The following ITGAL variants were observed in gnomAD, a reference collection of about 807,000 sequenced individuals.
ITGAL encodes the protein integrin subunit alpha L.
In ITGAL, 68 loss-of-function variants were observed where a neutral mutation model predicts 138.4. The ratio of observed to expected loss-of-function variants is 0.49; its 90% CI spans 0.40 to 0.60. The LOEUF (loss-of-function observed/expected upper bound fraction) is 0.60. ITGAL is among the 20% of genes least tolerant of loss of function. The pLI, the probability that ITGAL is intolerant of heterozygous loss-of-function variation, is 0.00. For missense variants in ITGAL, 1,256 were observed against 1,478.6 expected (o/e 0.85, Z 2.47); for synonymous variants, 561 against 584.3 (o/e 0.96, Z 0.57).
chr16:30,472,987 G>T, intron 1 of ITGAL, 89 bp downstream of exon 1: 1 of 1,290,080 alleles, frequency 7.8e-7, no homozygotes, highest in Non-Finnish European at 1.1e-6. Context: ...ACAAGGAGCT[G>T]CCCCCTAAAA....
chr16:30,511,088 C>T lies in ITGAL; in HGVS notation c.2738C>T (p.Ala913Val), dbSNP rs1310953191. The change falls in exon 24 of 31, where the codon GCC (alanine) becomes GTC (valine). Residue 913 changes from alanine to valine, a missense_variant. By Grantham distance (64) the Ala-to-Val change is moderately conservative. Around this residue, in one of 3 missense-constraint regions of ITGAL, gnomAD observed 867 missense variants for 972.5 expected, o/e 0.89. Transcript: ENST00000356798. ...EDSDLLEDNSATTIIPILYPI... is the reference protein window; with the variant it reads ...EDSDLLEDNSVTTIIPILYPI... ...TCAGACCTCCTGGAGGACAACTCAG[C>T]CACTACCATCATCCCCATCCTGTAC... 1 of 1,613,964 alleles carries T rather than the reference C, an allele frequency of 6.2e-7. No individual in the cohort carries two copies. The highest frequency in any genetic ancestry group is 1.3e-5 in the African/African-American group (1 of 75,012).
At chr16:30,486,682 C>T (rs1189483883) in intron 9 of ITGAL, among the ~76,000 whole-genome samples, 4 of 151,920 alleles carry the variant, frequency 2.6e-5, no homozygotes, top group Non-Finnish European at 4.4e-5. Context: ...TCAGTGTGAC[C>T]GAAGCGCAGT....
chr16:30,505,550 C>T (rs567435748), intron 20 of ITGAL, 88 bp downstream of exon 20: 19 of 974,962 alleles, frequency 1.9e-5, no homozygotes, highest in Non-Finnish European at 3.1e-5. Flanking sequence ...TTTGCAGACA[C>T]CACTTCCCTC....
intron 24 of ITGAL, 141 bp from the exon 25 acceptor site, chr16:30,513,630 T>C: frequency 1.5e-6 from 1 of 651,332 alleles, no homozygotes; most frequent in South Asian, 1.8e-5. Context: ...CCTTAGTTTC[T>C]GGGAAAGAGC....
intron 25 of ITGAL, among the ~76,000 whole-genome samples, chr16:30,516,027 G>A (rs2051161689): frequency 6.6e-6 from 1 of 151,474 alleles, no homozygotes; most frequent in Admixed American, 6.6e-5. Context: ...TACTGCCCCT[G>A]ACATTTGGCC....
intron 11 of ITGAL, among the ~76,000 whole-genome samples, chr16:30,491,655 G>A (rs568401704): frequency 3.0e-4 from 45 of 151,604 alleles, no homozygotes; most frequent in Non-Finnish European, 5.7e-4. Context: ...TTTAGACATA[G>A]GGTCTCACTT....
chr16:30,501,860 T>C (rs1275648033), intron 17 of ITGAL, among the ~76,000 whole-genome samples: 1 of 151,434 alleles, frequency 6.6e-6, no homozygotes, highest in Non-Finnish European at 1.5e-5. Context: ...GCGAGACCCC[T>C]TCTCTACAAA....
rs772971327 is a variant in ITGAL, at chr16:30,494,857, C to T, written c.1503+7C>T. On this transcript the variant is annotated splice_region_variant and intron_variant, in intron 13 of 30. Coordinates refer to ENST00000356798, the MANE Select transcript of ITGAL (RefSeq NM_002209.3). The surrounding 1 kb of genome is among the most constrained non-coding windows in gnomAD (Gnocchi z 4.2). ...TATCTACCAGAGAAGACAGGTGGGG[C>T]CAGGATCTGGAGCTGAGAGGGAGGA... 25 of 1,584,866 alleles carry T rather than the reference C, an allele frequency of 1.6e-5. No homozygotes were observed. The highest frequency in any genetic ancestry group is 2.2e-5 in the Non-Finnish European group (25 of 1,160,344).
In ITGAL at chr16:30,486,988, A is replaced by C. The variant is rs561429324; in HGVS notation, c.1007-2094A>C. ...TTTTTAAATTTTTTGTAGAGACAAG[A>C]GTTTCTTAGCCAGGCGTGGTGGCGG... On this transcript the variant is annotated intron_variant, in intron 9 of 30. Coordinates refer to ENST00000356798, the MANE Select transcript of ITGAL (RefSeq NM_002209.3). Among the ~76,000 whole-genome samples the C allele has an allele frequency of 2.7e-3, 408 of 151,662 alleles. 4 individuals carry two copies. The highest frequency in any genetic ancestry group is 8.8e-3 in the African/African-American group (363 of 41,378).
At chr16:30,497,431 C>T (rs1210925563) in intron 15 of ITGAL, among the ~76,000 whole-genome samples, 1 of 150,640 alleles carries the variant, frequency 6.6e-6, no homozygotes, top group Non-Finnish European at 1.5e-5. Context: ...TACTTGAGCT[C>T]AAGAGTTTGA....
chr16:30,503,486 T>TGAAAGA (rs1428279641), intron 17 of ITGAL, among the ~76,000 whole-genome samples: 1 of 119,718 alleles, frequency 8.4e-6, no homozygotes, highest in African/African-American at 3.4e-5. Context: ...GGAGGGAGGA[T>TGAAAGA]GAAAGAGAAA....
intron 11 of ITGAL, among the ~76,000 whole-genome samples, chr16:30,490,095 C>G (rs922458401): frequency 6.6e-6 from 1 of 151,876 alleles, no homozygotes. Flanking sequence ...GGCATGATGG[C>G]GGGTGCCTTT....
At position 30,474,259 on chromosome 16, in the gene ITGAL, G is replaced by T; in HGVS notation, c.125G>T (p.Gly42Val). ...GARSFSPPRA[G>V]RHFGYRVLQV... Reference sequence around the variant, plus strand: ...CGGAGCTTCTCCCCACCGCGCGCCGGGAGGCACTTTGGATACCGCGTCCTG... The same window carrying T: ...CGGAGCTTCTCCCCACCGCGCGCCGTGAGGCACTTTGGATACCGCGTCCTG... Residue 42 changes from glycine to valine, a missense_variant, in exon 2 of 31, where the codon GGG (glycine) becomes GTG (valine). Around this residue, in one of 3 missense-constraint regions of ITGAL, gnomAD observed 212 missense variants for 217.4 expected, o/e 0.98. Coordinates refer to ENST00000356798, the MANE Select transcript of ITGAL (RefSeq NM_002209.3). The T allele has an allele frequency of 6.2e-7, 1 of 1,609,976 alleles. No individual in the cohort carries two copies. The highest frequency in any genetic ancestry group is 1.7e-5 in the Admixed American group (1 of 59,442).
At chr16:30,511,747 G>A (rs2051094573) in intron 24 of ITGAL, among the ~76,000 whole-genome samples, 1 of 152,240 alleles carries the variant, frequency 6.6e-6, no homozygotes, top group Admixed American at 6.5e-5. Context: ...CAGAGTCAGT[G>A]ACTCTCAGAA....
Position 30,496,537 on chromosome 16 carries a change from G to C in ITGAL, c.1803G>C (p.Val601=), listed in dbSNP as rs193227104. 1 of 1,613,832 alleles carries C rather than the reference G, an allele frequency of 6.2e-7. No individual in the cohort carries two copies. ...LEGDGLADVA[V]GAESQMIVLS... ...GGGATGGCTTGGCAGATGTGGCTGTGGGGGCTGAGAGCCAGATGATCGTGC... is the reference window on the plus strand; with the variant it reads ...GGGATGGCTTGGCAGATGTGGCTGTCGGGGCTGAGAGCCAGATGATCGTGC... Residue 601 remains valine, a synonymous_variant, in exon 15 of 31, where the codon GTG becomes GTC. Coordinates refer to ENST00000356798, the MANE Select transcript of ITGAL (RefSeq NM_002209.3).
chr16:30,502,614 G>T (rs1307672695), intron 17 of ITGAL, among the ~76,000 whole-genome samples: 1 of 151,246 alleles, frequency 6.6e-6, no homozygotes, highest in Non-Finnish European at 1.5e-5. Context: ...CAGGTGTGGT[G>T]GCAGGCGCCT....
chr16:30,517,701 C>T lies in ITGAL; in HGVS notation c.3029C>T (p.Ala1010Val), dbSNP rs764335051. The change falls in exon 27 of 31, where the codon GCT becomes GTT. Residue 1010 changes from alanine (A) to valine (V), a missense_variant. Coordinates refer to ENST00000356798, the MANE Select transcript of ITGAL (RefSeq NM_002209.3). Reference sequence around the variant, plus strand: ...GATCTGGAGAGGCTCCCGGATGCAGCTGAGGTATGGGCGTGTGAGCTGAGA... The same window carrying T: ...GATCTGGAGAGGCTCCCGGATGCAGTTGAGGTATGGGCGTGTGAGCTGAGA... The part of the protein sequence containing the change: ...YEDLERLPDA[A>V]EPCLPGALFR... 6.2e-7 allele frequency: 1 copy of T among 1,614,016 alleles called. No homozygotes were observed. Among genetic ancestry groups the T allele is most frequent in the Non-Finnish European group, 8.5e-7 (1 of 1,179,854 alleles).
At position 30,517,868 on chromosome 16, in the gene ITGAL, G is replaced by A. The variant is rs752897314; in HGVS notation, c.3105G>A (p.Gly1035=). 1.2e-6 allele frequency: 2 copies of A among 1,614,032 alleles called. No individual in the cohort carries two copies. Among genetic ancestry groups the A allele is most frequent in the South Asian group, 1.1e-5 (1 of 91,088 alleles). The change falls in exon 28 of 31, where the codon GGG becomes GGA. Residue 1035 remains glycine (G), a synonymous_variant. Transcript: ENST00000356798. The part of the protein sequence containing the change: ...FRQEILVQVI[G]TLELVGEIEA... ...AGGAGATCCTCGTCCAAGTGATCGG[G>A]ACTCTGGAGCTGGTGGGAGAGATCG...
At position 30,474,622 on chromosome 16, in the gene ITGAL, C is replaced by T. The variant is rs1437772854; in HGVS notation, c.164+324C>T. The T allele has an allele frequency of 3.8e-5, 12 of 314,164 alleles. No individual in the cohort carries two copies. The Admixed American group carries it at 5.4e-4, about 14-fold the overall frequency. The allele number at this position is 314,164 out of a possible 1,614,324, so 19.5% of individuals were successfully genotyped here. On this transcript the variant is annotated intron_variant, in intron 2 of 30. Transcript: ENST00000356798. ...GAAGCCAGGAGTCTGTTCTCTCTTC[C>T]TAACCCTTCTTAGATACGCCACCGC...
Sources: gnomAD v4.1 joint callset for allele counts (sites outside exome capture counted in the v4.1 genomes callset) on GRCh38, gnomAD v4.1.1 for gene constraint, gnomAD v4.1.1 regional missense constraint, Gnocchi (gnomAD v3.1) non-coding constraint, MANE v1.5 for transcripts, NCBI Gene and HGNC (gene_info 2026-07-23, HGNC 2026-07-21) for gene names.